UVRAG: variants seen among roughly 807,000 people sequenced by gnomAD.
UVRAG encodes the protein UV radiation resistance-associated gene protein.
In UVRAG, 19 loss-of-function variants were observed where a neutral mutation model predicts 78.0. The ratio of observed to expected loss-of-function variants is 0.24; its 90% CI spans 0.17 to 0.36. The LOEUF (loss-of-function observed/expected upper bound fraction) is 0.36. Ranked by LOEUF, UVRAG falls within the 10% of genes least tolerant of loss-of-function variation. The pLI, the probability that UVRAG is intolerant of heterozygous loss-of-function variation, is 1.00. For synonymous variants in UVRAG, 323 were observed against 324.6 expected (o/e 1.00, Z 0.05); for missense variants, 740 against 853.8 (o/e 0.87, Z 1.66).
At position 76,140,719 on chromosome 11, in the gene UVRAG, A is replaced by C. The variant is rs771455226; in HGVS notation, c.1406A>C (p.His469Pro). 2 of 1,576,904 alleles carry C rather than the reference A, an allele frequency of 1.3e-6. No homozygotes were observed. Among genetic ancestry groups the C allele is most frequent in the Admixed American group, 3.8e-5 (2 of 52,716 alleles). ...TTTTGTTTCTCTTCTAGTGACAGAC[A>C]TCACACCTCCAGTGCAATCCCTGTT... The part of the protein sequence containing the change: ...EHGLMVRCDR[H>P]HTSSAIPVPK... The change falls in exon 15 of 15, where the codon CAT becomes CCT. Residue 469 changes from histidine (H) to proline (P), a missense_variant. His to Pro is a moderately conservative substitution (Grantham distance 77). Transcript: ENST00000356136.
At chr11:75,996,613 AG>A (rs984082922) in intron 8 of UVRAG, among the ~76,000 whole-genome samples, 1 of 152,172 alleles carries the variant, frequency 6.6e-6, no homozygotes, top group African/African-American at 2.4e-5. Context: ...GTTTATACAG[AG>A]GCATGGAGGT....
At chr11:76,062,049 G>A (rs1951104576) in intron 12 of UVRAG, among the ~76,000 whole-genome samples, 2 of 152,096 alleles carry the variant, frequency 1.3e-5, no homozygotes, top group Non-Finnish European at 1.5e-5. Flanking sequence ...TGTCATCAGG[G>A]CCACACTCCT....
At chr11:75,927,976 C>A (rs551698185) in intron 6 of UVRAG, among the ~76,000 whole-genome samples, 1 of 152,082 alleles carries the variant, frequency 6.6e-6, no homozygotes, top group African/African-American at 2.4e-5. Flanking sequence ...GTGGCACATG[C>A]CTGTAGTCCC....
intron 12 of UVRAG, among the ~76,000 whole-genome samples, chr11:76,028,572 G>C (rs575847392): frequency 2.6e-5 from 4 of 152,064 alleles, no homozygotes; most frequent in African/African-American, 9.7e-5. Flanking sequence ...CAAATGATAA[G>C]AAAGTGAAAA....
intron 14 of UVRAG, among the ~76,000 whole-genome samples, chr11:76,128,349 G>GC (rs1279358451): frequency 6.6e-6 from 1 of 152,144 alleles, no homozygotes; most frequent in African/African-American, 2.4e-5. Flanking sequence ...CCTGAAACCA[G>GC]CCCCCCTGCC....
chr11:75,902,137 G>A (rs1186571619), intron 5 of UVRAG, among the ~76,000 whole-genome samples: 1 of 152,204 alleles, frequency 6.6e-6, no homozygotes, highest in African/African-American at 2.4e-5. Flanking sequence ...AGTGAATGAA[G>A]CTTCTGTAGC....
At chr11:75,992,607 A>G (rs1949631701) in intron 8 of UVRAG, among the ~76,000 whole-genome samples, 1 of 152,156 alleles carries the variant, frequency 6.6e-6, no homozygotes, top group African/African-American at 2.4e-5. Context: ...ATGGCTGGAT[A>G]CAGATAACCA....
chr11:75,987,034 TTCTG>T (rs1219429008), intron 8 of UVRAG, among the ~76,000 whole-genome samples: 2 of 152,362 alleles, frequency 1.3e-5, no homozygotes, highest in Non-Finnish European at 2.9e-5. Context: ...TGTTTCCGCT[TTCTG>T]TCTATCACAG....
At chr11:75,888,444 T>G (rs769169567) in intron 4 of UVRAG, among the ~76,000 whole-genome samples, 8 of 152,192 alleles carry the variant, frequency 5.3e-5, no homozygotes, top group Non-Finnish European at 1.0e-4. Flanking sequence ...GTGCCAGGCC[T>G]AGGCTTCATG....
At chr11:76,063,197 C>G (rs1485433499) in intron 12 of UVRAG, among the ~76,000 whole-genome samples, 1 of 152,206 alleles carries the variant, frequency 6.6e-6, no homozygotes, top group Non-Finnish European at 1.5e-5. Context: ...AATAAAATTT[C>G]TGCCCTCTTG....
chr11:75,901,891 CT>C (rs144742883), intron 5 of UVRAG, among the ~76,000 whole-genome samples: 2,812 of 152,232 alleles, frequency 0.018, 81 homozygotes, highest in African/African-American at 0.063. Context: ...TGATATACCT[CT>C]TAAGTCCAGT....
At chr11:75,943,087 C>T (rs756540383) in intron 6 of UVRAG, among the ~76,000 whole-genome samples, 82 of 152,078 alleles carry the variant, frequency 5.4e-4, no homozygotes, top group Non-Finnish European at 8.7e-4. Flanking sequence ...AAAAGTCCCA[C>T]CTCCCAATAC....
chr11:76,072,215 C>T (rs143616846), intron 13 of UVRAG, among the ~76,000 whole-genome samples: 112 of 152,128 alleles, frequency 7.4e-4, no homozygotes, highest in Non-Finnish European at 1.2e-3. Flanking sequence ...GAGGAATGGA[C>T]AGTCAGGTAG....
chr11:76,126,051 G>A (rs148030936), intron 14 of UVRAG, among the ~76,000 whole-genome samples: 130 of 150,026 alleles, frequency 8.7e-4, no homozygotes, highest in Non-Finnish European at 1.4e-3. Flanking sequence ...CCGGGTTCAC[G>A]CCATTCCCCT....
chr11:75,958,325 C>T (rs1948841812), intron 6 of UVRAG, among the ~76,000 whole-genome samples: 1 of 152,168 alleles, frequency 6.6e-6, no homozygotes. Context: ...AAATTGGAGT[C>T]CGTCCTTCCC....
rs1003320043 is a variant in UVRAG at position 75,893,683 on chromosome 11, A to T, written c.507+4780A>T. On this transcript the variant is annotated intron_variant, in intron 5 of 14. Coordinates refer to ENST00000356136, the MANE Select transcript of UVRAG (RefSeq NM_003369.4). ...TACTATCTCTACCAAAAAAAAAAAA[A>T]AAAAAAAAAAAAAATTAGCCAGGCA... 4.7e-3 allele frequency among the ~76,000 whole-genome samples: 713 copies of T among 150,776 alleles called. 4 individuals are homozygous for T. The highest frequency in any genetic ancestry group is 0.016 in the African/African-American group (653 of 41,254).
chr11:75,917,329 GTC>G (rs1049560237), intron 6 of UVRAG, among the ~76,000 whole-genome samples: 1 of 152,166 alleles, frequency 6.6e-6, no homozygotes, highest in African/African-American at 2.4e-5. Flanking sequence ...ACATGTGTGT[GTC>G]TTTTCTCCTT....
chr11:75,912,071 A>G lies in UVRAG; in HGVS notation c.593+32A>G, dbSNP rs757745209. ...AACTTCTTAGATTGCCCTGAATTCT[A>G]AAGAATCTTTCTCATTTTGAGTTTG... On this transcript the variant is annotated intron_variant, in intron 6 of 14. Transcript: ENST00000356136. The G allele has an allele frequency of 2.8e-6, 4 of 1,450,590 alleles. No homozygotes were observed. In the African/African-American group the frequency reaches 5.6e-5, roughly 20 times the overall value. 89.9% of individuals were successfully genotyped at this position (1,450,590 alleles called of 1,614,324 possible).
intron 14 of UVRAG, among the ~76,000 whole-genome samples, chr11:76,138,844 T>C (rs548639273): frequency 6.6e-6 from 1 of 152,328 alleles, no homozygotes; most frequent in South Asian, 2.1e-4. Context: ...TCTCTTTTGG[T>C]TTGAGTACCT....
Sources: allele counts gnomAD v4.1 joint callset (sites outside exome capture counted in the v4.1 genomes callset), GRCh38; gene constraint gnomAD v4.1.1; transcripts MANE v1.5; gene names NCBI Gene and HGNC (gene_info 2026-07-23, HGNC 2026-07-21).